Variants in SLC36A1 observed in about 807,000 individuals in gnomAD.
SLC36A1 encodes the protein proton-coupled amino acid transporter 1.
In SLC36A1, 30 loss-of-function variants were observed where a neutral mutation model predicts 47.5. The ratio of observed to expected loss-of-function variants is 0.63; its 90% confidence interval spans 0.47 to 0.86. The LOEUF is 0.86. SLC36A1 is among the 40% of genes least tolerant of loss of function. The probability of loss-of-function intolerance (pLI) is 0.00; values close to 1 mark genes in which losing one functional copy is unlikely to be tolerated. For synonymous variants in SLC36A1, 255 were observed against 249.7 expected (o/e 1.02, Z -0.20); for missense variants, 517 against 606.0 (o/e 0.85, Z 1.54).
chr5:151,349,594 G>A, the SLC36A1 span, among the ~76,000 whole-genome samples: 1 of 152,166 alleles, frequency 6.6e-6, no homozygotes, highest in African/African-American at 2.4e-5. Context: ...GGGCTTGGAT[G>A]GGGTGTTTGG....
At chr5:151,452,704 A>G (rs1753825339) in intron 1 of SLC36A1, among the ~76,000 whole-genome samples, 2 of 151,930 alleles carry the variant, frequency 1.3e-5, no homozygotes, top group South Asian at 2.1e-4. Context: ...CTCCATCTCT[A>G]CTAAAAACAC....
At chr5:151,386,341 T>G in the SLC36A1 span, among the ~76,000 whole-genome samples, 2 of 152,232 alleles carry the variant, frequency 1.3e-5, no homozygotes, top group African/African-American at 4.8e-5. Context: ...AGATACAAAC[T>G]TTAATTTGAA....
At chr5:151,500,222 G>C in the SLC36A1 span, among the ~76,000 whole-genome samples, 5 of 152,242 alleles carry the variant, frequency 3.3e-5, no homozygotes, top group Admixed American at 2.0e-4. Context: ...AGGCCGACCT[G>C]GACTGGAATC....
At chr5:151,514,089 G>A in the SLC36A1 span, among the ~76,000 whole-genome samples, 1 of 152,168 alleles carries the variant, frequency 6.6e-6, no homozygotes, top group Non-Finnish European at 1.5e-5. Flanking sequence ...CTAACCCAGT[G>A]TTTCTTATAC....
the SLC36A1 span, among the ~76,000 whole-genome samples, chr5:151,350,965 C>A: frequency 1.3e-5 from 2 of 152,120 alleles, no homozygotes; most frequent in Non-Finnish European, 2.9e-5. Flanking sequence ...GATTAAAGGA[C>A]AATGTTTTTA....
At chr5:151,449,536 G>C (rs1375000765) in intron 1 of SLC36A1, among the ~76,000 whole-genome samples, 1 of 152,146 alleles carries the variant, frequency 6.6e-6, no homozygotes, top group Non-Finnish European at 1.5e-5. Flanking sequence ...GCATGTAGCT[G>C]TTCATTCAGC....
the SLC36A1 span, among the ~76,000 whole-genome samples, chr5:151,535,597 C>T: frequency 6.6e-6 from 1 of 152,144 alleles, no homozygotes; most frequent in Non-Finnish European, 1.5e-5. Flanking sequence ...TATAATAAAC[C>T]AGTAAACACA....
At chr5:151,364,131 T>A in the SLC36A1 span, among the ~76,000 whole-genome samples, 1 of 152,240 alleles carries the variant, frequency 6.6e-6, no homozygotes, top group Non-Finnish European at 1.5e-5. Flanking sequence ...TTTTAACTTT[T>A]ATAATAGATT....
the SLC36A1 span, chr5:151,544,376 C>G: frequency 1.9e-6 from 3 of 1,614,148 alleles, no homozygotes; most frequent in East Asian, 6.7e-5. Flanking sequence ...GAAAATGACC[C>G]CAGAGCTGTA....
chr5:151,425,850 TA>T, the SLC36A1 span, among the ~76,000 whole-genome samples: 1 of 152,132 alleles, frequency 6.6e-6, no homozygotes, highest in Admixed American at 6.5e-5. Context: ...GTTTATAGAA[TA>T]AAAAGTAAAT....
chr5:151,468,266 A>ATATAT (rs1554113502), intron 7 of SLC36A1, among the ~76,000 whole-genome samples: 26 of 63,814 alleles, frequency 4.1e-4, no homozygotes, highest in South Asian at 2.8e-3. Flanking sequence ...AAAAAAAAAA[A>ATATAT]ATATATATAT....
the SLC36A1 span, chr5:151,540,892 A>G: frequency 6.5e-6 from 5 of 773,098 alleles, no homozygotes; most frequent in Admixed American, 3.0e-5. Context: ...TTCCTTAACT[A>G]GGAACCCACG....
At chr5:151,532,111 G>A in the SLC36A1 span, 132 of 1,107,792 alleles carry the variant, frequency 1.2e-4, no homozygotes, top group Non-Finnish European at 1.5e-4. Flanking sequence ...TGAAGAGTGA[G>A]GGTCTCTCCA....
At chr5:151,362,686 C>T in the SLC36A1 span, among the ~76,000 whole-genome samples, 1 of 152,214 alleles carries the variant, frequency 6.6e-6, no homozygotes, top group Admixed American at 6.5e-5. Flanking sequence ...GCACAGAGCC[C>T]AGCCCCTGCT....
At chr5:151,436,419 C>A (rs763630969), upstream of SLC36A1, among the ~76,000 whole-genome samples, 6 of 152,044 alleles carry the variant, frequency 3.9e-5, no homozygotes, top group Non-Finnish European at 8.8e-5. Flanking sequence ...AGGGCCACCC[C>A]ACCATATCCA....
chr5:151,468,979 C>T (rs564901718), intron 7 of SLC36A1, among the ~76,000 whole-genome samples: 13 of 151,932 alleles, frequency 8.6e-5, no homozygotes, highest in African/African-American at 3.1e-4. Flanking sequence ...GGTAGAAAAT[C>T]AGGCTGAGAA....
At chr5:151,486,703 C>T (rs969327099) in intron 10 of SLC36A1, among the ~76,000 whole-genome samples, 4 of 152,122 alleles carry the variant, frequency 2.6e-5, no homozygotes, top group South Asian at 2.1e-4. Context: ...GTAACCCTCT[C>T]GTAGGAATCA....
At chr5:151,348,887 C>T in the SLC36A1 span, among the ~76,000 whole-genome samples, 2 of 152,192 alleles carry the variant, frequency 1.3e-5, no homozygotes, top group Admixed American at 6.5e-5. Flanking sequence ...CTGAAGCCTG[C>T]AGCTTTGACC....
chr5:151,462,368 T>G (rs1044580705), intron 2 of SLC36A1, among the ~76,000 whole-genome samples: 9 of 147,764 alleles, frequency 6.1e-5, no homozygotes, highest in Admixed American at 4.0e-4. Flanking sequence ...AATGGATTTT[T>G]TTTTTCTTTT....
Sources: gnomAD v4.1 joint callset for allele counts (sites outside exome capture counted in the v4.1 genomes callset) on GRCh38, gnomAD v4.1.1 for gene constraint, MANE v1.5 for transcripts, NCBI Gene and HGNC (gene_info 2026-07-23, HGNC 2026-07-21) for gene names.